The following TMEFF2 variants were observed in gnomAD, a reference collection of about 807,000 sequenced individuals.
TMEFF2 encodes the protein tomoregulin-2.
TMEFF2 carries 28 observed loss-of-function variants against 53.8 expected under a neutral mutation model. The ratio of observed to expected loss-of-function variants is 0.52; its 90% CI spans 0.39 to 0.71. The LOEUF (loss-of-function observed/expected upper bound fraction) is 0.71. Among genes scored for constraint, TMEFF2 ranks in the 30% least tolerant of loss-of-function variants. TMEFF2 has a pLI of 0.00. For synonymous variants in TMEFF2, 162 were observed against 166.3 expected (o/e 0.97, Z 0.20); for missense variants, 353 against 455.2 (o/e 0.78, Z 2.04).
chr2:191,993,944 T>C (rs745341707), intron 7 of TMEFF2, among the ~76,000 whole-genome samples: 113 of 152,124 alleles, frequency 7.4e-4, no homozygotes, highest in Non-Finnish European at 6.6e-4. Flanking sequence ...CTTTGTCTTT[T>C]GTCTCTGAAC....
chr2:192,067,010 A>C (rs1003107468), intron 4 of TMEFF2, among the ~76,000 whole-genome samples: 16 of 151,768 alleles, frequency 1.1e-4, no homozygotes, highest in African/African-American at 3.9e-4. Flanking sequence ...GGGCTACTGG[A>C]GGGCAAATCC....
rs573808688 is a variant in TMEFF2, at chr2:192,178,681, T to C, written c.439+987A>G. 4.6e-5 allele frequency: 7 copies of C among 151,398 alleles called. No homozygotes were observed. The East Asian group carries it at 9.7e-4, about 21-fold the overall frequency. 9.4% of individuals were successfully genotyped at this position (151,398 alleles called of 1,614,324 possible). A position where few individuals can be genotyped will look rare whatever the true frequency, so the allele number is the denominator to read the frequency against. The stretch of plus-strand genomic sequence containing the variant: ...AAGGAAACTTGATAAATCTTTCAAG[T>C]GTTTCCTGAACTAGATAAAGGGTGC... On this transcript the variant is annotated intron_variant, in intron 4 of 9. Coordinates refer to ENST00000272771, the MANE Select transcript of TMEFF2 (RefSeq NM_016192.4).
In TMEFF2 at chr2:191,999,154, A is replaced by C. The variant is rs751964711; in HGVS notation, c.591T>G (p.Ser197=). The part of the protein sequence containing the change: ...SQTNFNPLCA[S]DGKSYDNACQ... ...ATGCATTATCATAAGATTTCCCATC[A>C]GAAGCGCAGAGGGGATTGAAGTTGG... Residue 197 remains serine, a synonymous_variant, in exon 6 of 10, where the codon TCT becomes TCG. Transcript: ENST00000272771. 3.1e-6 allele frequency: 5 copies of C among 1,612,422 alleles called. No individual in the cohort carries two copies. The highest frequency in any genetic ancestry group is 1.7e-6 in the Non-Finnish European group (2 of 1,178,810).
intron 5 of TMEFF2, among the ~76,000 whole-genome samples, chr2:192,039,930 C>T (rs985763065): frequency 6.6e-6 from 1 of 151,990 alleles, no homozygotes; most frequent in Admixed American, 6.6e-5. Flanking sequence ...ATAACTATAA[C>T]AATGATATGC....
intron 4 of TMEFF2, among the ~76,000 whole-genome samples, chr2:192,162,401 A>G (rs1690656031): frequency 6.6e-6 from 1 of 152,178 alleles, no homozygotes; most frequent in Non-Finnish European, 1.5e-5. Context: ...AACATCAACC[A>G]CAGCATGCAG....
intron 4 of TMEFF2, chr2:192,179,215 A>G (rs72920019): frequency 1.3e-5 from 2 of 153,550 alleles, no homozygotes; most frequent in Admixed American, 1.3e-4. Context: ...TTCAGTTTCA[A>G]ATTATAAATC....
chr2:191,983,404 TC>T (rs1685902294), intron 7 of TMEFF2, among the ~76,000 whole-genome samples: 1 of 150,850 alleles, frequency 6.6e-6, no homozygotes. Flanking sequence ...TTTTTTTTTT[TC>T]TCCTGGGGCA....
At position 192,179,785 on chromosome 2, in the gene TMEFF2, T is replaced by G. The variant is rs1691141349; in HGVS notation, c.413-91A>C. ...CAAGTTTATTTTCTTAGTTTAATAC[T>G]GCAATAATATTGTTTGAGAAAAATA... On this transcript the variant is annotated intron_variant, in intron 3 of 9. Coordinates refer to ENST00000272771, the MANE Select transcript of TMEFF2 (RefSeq NM_016192.4). The G allele has an allele frequency of 5.3e-6, 6 of 1,132,998 alleles. No individual in the cohort carries two copies. The South Asian group carries it at 1.2e-4, about 23-fold the overall frequency. The allele number at this position is 1,132,998 out of a possible 1,614,324, so 70.2% of individuals were successfully genotyped here. A position where few individuals can be genotyped will look rare whatever the true frequency, so the allele number is the denominator to read the frequency against.
At chr2:192,027,116 G>A (rs1686989604) in intron 5 of TMEFF2, among the ~76,000 whole-genome samples, 1 of 152,104 alleles carries the variant, frequency 6.6e-6, no homozygotes, top group African/African-American at 2.4e-5. Flanking sequence ...GTTTAGAGGG[G>A]GGACAGTTCA....
intron 7 of TMEFF2, among the ~76,000 whole-genome samples, chr2:191,982,411 A>T (rs960824288): frequency 3.3e-5 from 5 of 151,472 alleles, no homozygotes; most frequent in African/African-American, 1.2e-4. Flanking sequence ...ATTAAATCTC[A>T]GTTCTGAGAT....
intron 2 of TMEFF2, among the ~76,000 whole-genome samples, chr2:192,188,825 TTCTATCTA>T (rs34743733): frequency 0.2 from 6,047 of 30,880 alleles, 180 homozygotes; most frequent in Non-Finnish European, 0.21. Context: ...CTCCCCGCTT[TTCTATCTA>T]TCTATCTATC....
At chr2:192,136,172 G>A (rs907029781) in intron 4 of TMEFF2, among the ~76,000 whole-genome samples, 4 of 152,030 alleles carry the variant, frequency 2.6e-5, no homozygotes, top group African/African-American at 9.7e-5. Flanking sequence ...AGTATTTCAT[G>A]ACCTATTAAT....
At chr2:192,144,011 A>C (rs969929531) in intron 4 of TMEFF2, among the ~76,000 whole-genome samples, 6 of 152,168 alleles carry the variant, frequency 3.9e-5, no homozygotes, top group African/African-American at 1.4e-4. Context: ...CAAAAATAAC[A>C]CTGCAAGTAT....
At chr2:192,108,514 A>G (rs1434425691) in intron 4 of TMEFF2, among the ~76,000 whole-genome samples, 1 of 151,882 alleles carries the variant, frequency 6.6e-6, no homozygotes, top group Admixed American at 6.6e-5. Context: ...CATTGCAACA[A>G]ATTCTTTATG....
intron 7 of TMEFF2, among the ~76,000 whole-genome samples, chr2:191,970,893 C>T (rs992799360): frequency 1.3e-5 from 2 of 152,154 alleles, no homozygotes; most frequent in African/African-American, 4.8e-5. Flanking sequence ...CTGTTTTACT[C>T]TCAAAAGTTT....
chr2:192,034,513 G>A lies in TMEFF2; in HGVS notation c.536+23166C>T, dbSNP rs538096145. Among the ~76,000 whole-genome samples, 64 of 152,162 alleles carry A rather than the reference G, an allele frequency of 4.2e-4. 2 individuals are homozygous for A. The highest frequency in any genetic ancestry group is 1.3e-4 in the Non-Finnish European group (9 of 67,996). ...TTTCCTTTTACTAATCTCTACATTG[G>A]TAGGTCCTATATGGAAAATCAATTT... On this transcript the variant is annotated intron_variant, in intron 5 of 9. Coordinates refer to ENST00000272771, the MANE Select transcript of TMEFF2 (RefSeq NM_016192.4).
At chr2:192,045,489 A>G (rs916255286) in intron 5 of TMEFF2, among the ~76,000 whole-genome samples, 7 of 152,230 alleles carry the variant, frequency 4.6e-5, no homozygotes, top group African/African-American at 7.2e-5. Context: ...TTACAAAAGG[A>G]TAACCTCAGC....
At chr2:192,070,730 A>G (rs1248701286) in intron 4 of TMEFF2, among the ~76,000 whole-genome samples, 1 of 151,924 alleles carries the variant, frequency 6.6e-6, no homozygotes, top group Non-Finnish European at 1.5e-5. Context: ...AGATCTTTAA[A>G]TCATAGAAGT....
intron 7 of TMEFF2, among the ~76,000 whole-genome samples, chr2:191,971,222 T>C (rs960255553): frequency 1.3e-5 from 2 of 152,224 alleles, no homozygotes; most frequent in East Asian, 1.9e-4. Context: ...TGTGATCTTA[T>C]AGTGTTAGTT....
Sources: gnomAD v4.1 joint callset for allele counts (sites outside exome capture counted in the v4.1 genomes callset) on GRCh38, gnomAD v4.1.1 for gene constraint, MANE v1.5 for transcripts, NCBI Gene and HGNC (gene_info 2026-07-23, HGNC 2026-07-21) for gene names.